Variants in CDCA7L observed in about 807,000 individuals in gnomAD.
CDCA7L encodes the protein cell division cycle-associated 7-like protein.
In CDCA7L, 44 loss-of-function variants were observed where a neutral mutation model predicts 57.4. The ratio of observed to expected loss-of-function variants is 0.77; its 90% CI spans 0.60 to 0.98. The LOEUF (loss-of-function observed/expected upper bound fraction) is 0.98, where lower values mean the gene tolerates loss of function less well. Among genes scored for constraint, CDCA7L ranks in the 50% least tolerant of loss-of-function variants. CDCA7L has a pLI of 0.00. For synonymous variants in CDCA7L, 236 were observed against 202.8 expected, an observed-to-expected ratio of 1.16 and a Z score of -1.39; for missense variants, 644 against 580.6, an observed-to-expected ratio of 1.11 and a Z score of -1.12.
rs2128054063 is a variant in CDCA7L at position 21,901,575 on chromosome 7, AAAAAAGTACATCAT to A, written c.*733_*746del. ...CAGAACAAGACTCCATCTCAAAAAA[AAAAAAGTACATCAT>A]AAAAGTACATCATATGTGAACATGC... On this transcript the variant is annotated 3_prime_UTR_variant, in exon 10 of 10. Transcript: ENST00000406877. 5.3e-6 allele frequency: 1 copy of A among 188,424 alleles called. No individual in the cohort carries two copies. Among genetic ancestry groups the A allele is most frequent in the Non-Finnish European group, 1.1e-5 (1 of 92,204 alleles). 11.7% of individuals were successfully genotyped at this position (188,424 alleles called of 1,614,324 possible).
intron 7 of CDCA7L, among the ~76,000 whole-genome samples, chr7:21,904,653 A>C (rs533392259): frequency 6.6e-6 from 1 of 152,338 alleles, no homozygotes; most frequent in Admixed American, 6.5e-5. Context: ...TCTGAGGTGG[A>C]ACAGTTTCAT....
intron 2 of CDCA7L, among the ~76,000 whole-genome samples, chr7:21,914,455 G>A (rs1392884884): frequency 6.6e-6 from 1 of 152,208 alleles, no homozygotes; most frequent in Non-Finnish European, 1.5e-5. Flanking sequence ...CACACGGAGG[G>A]AAAGAAAATC....
intron 1 of CDCA7L, among the ~76,000 whole-genome samples, chr7:21,927,332 T>G (rs2128065886): frequency 6.6e-6 from 1 of 151,996 alleles, no homozygotes; most frequent in Non-Finnish European, 1.5e-5. Context: ...GAAGAAGGAC[T>G]CCAACAGAAA....
rs146976111 is a variant in CDCA7L at position 21,908,229 on chromosome 7, A to G, written c.582T>C (p.Asp194=). Residue 194 remains aspartate, a synonymous_variant, in exon 4 of 10, where the codon GAT becomes GAC. Coordinates refer to ENST00000406877, the MANE Select transcript of CDCA7L (RefSeq NM_018719.5). ...KDCRQVIQRE[D]STSESEDDSR... ...AGTCATCCTCAGACTCAGAGGTAGA[A>G]TCTTCCCTTTGTATCACCTGTCTAC... 9.9e-6 allele frequency: 16 copies of G among 1,613,292 alleles called. No homozygotes were observed. The highest frequency in any genetic ancestry group is 1.4e-5 in the Non-Finnish European group (16 of 1,179,916).
chr7:21,912,674 C>G (rs1261022237), intron 2 of CDCA7L, among the ~76,000 whole-genome samples: 2 of 152,208 alleles, frequency 1.3e-5, no homozygotes, highest in South Asian at 4.1e-4. Flanking sequence ...CCACCGCCCA[C>G]CACCAGAGAG....
intron 4 of CDCA7L, 93 bp from the exon 5 acceptor site, chr7:21,906,732 A>T (rs1785155029): frequency 7.7e-6 from 9 of 1,175,698 alleles, no homozygotes; most frequent in Non-Finnish European, 1.1e-5. Context: ...TTTTGCCACC[A>T]TAAGAAACCT....
intron 8 of CDCA7L, 88 bp from the exon 9 acceptor site, chr7:21,903,202 C>CCTCTCCTCCAACCTTT (rs1784997671): frequency 7.7e-7 from 1 of 1,302,440 alleles, no homozygotes; most frequent in African/African-American, 1.5e-5. Flanking sequence ...GCTCAGCTGG[C>CCTCTCCTCCAACCTTT]CTCTCCTCCA....
chr7:21,903,864 G>A, intron 8 of CDCA7L: 2 of 387,674 alleles, frequency 5.2e-6, no homozygotes, highest in South Asian at 1.3e-4. Flanking sequence ...CTAGAGGACT[G>A]TAAGCAAGTT....
At position 21,940,864 on chromosome 7, in the gene CDCA7L, CG is replaced by C. The variant is rs1160869263; in HGVS notation, c.24+4916del. 2.0e-5 allele frequency among the ~76,000 whole-genome samples: 3 copies of C among 152,138 alleles called. No homozygotes were observed. In the East Asian group the frequency reaches 5.8e-4, roughly 29 times the overall value. On this transcript the variant is annotated intron_variant, in intron 1 of 9. Transcript: ENST00000406877. ...GGTTTTCTTGGTTTTCTAGGCAGAC[CG>C]GATGTAAAGAACAGATTTCTGGGAC...
At chr7:21,920,994 G>C (rs192163960) in intron 1 of CDCA7L, among the ~76,000 whole-genome samples, 1 of 152,310 alleles carries the variant, frequency 6.6e-6, no homozygotes, top group Non-Finnish European at 1.5e-5. Context: ...ATGGTTTAAA[G>C]GAGGAGGAGC....
intron 2 of CDCA7L, among the ~76,000 whole-genome samples, chr7:21,913,525 T>A (rs1489138385): frequency 6.6e-6 from 1 of 152,170 alleles, no homozygotes; most frequent in Non-Finnish European, 1.5e-5. Flanking sequence ...TAAGGAAGAA[T>A]GGTACACAGC....
In CDCA7L at chr7:21,903,165, C is replaced by G. The variant is rs373832122; in HGVS notation, c.1198-51G>C. On this transcript the variant is annotated intron_variant, in intron 8 of 9. Transcript: ENST00000406877. ...TTCGCTCATTATCTACAGGGTCTGG[C>G]AAGAACTGGGATTCGGATCCAGAAT... is the stretch of plus-strand genomic sequence containing the variant. 7.0e-6 allele frequency: 11 copies of G among 1,570,944 alleles called. No homozygotes were observed. In the East Asian group the frequency reaches 9.1e-5, roughly 13 times the overall value.
Position 21,945,856 on chromosome 7 carries a change from G to C in CDCA7L, c.-52C>G. Reference sequence around the variant, plus strand: ...CCCAGCACGCGGCCACGGGAGCCCGGACTCACCACGGCCCGGCGCACCAAG... The same window carrying C: ...CCCAGCACGCGGCCACGGGAGCCCGCACTCACCACGGCCCGGCGCACCAAG... On this transcript the variant is annotated 5_prime_UTR_variant, in exon 1 of 10. Transcript: ENST00000406877. The C allele has an allele frequency of 6.4e-7, 1 of 1,569,560 alleles. No homozygotes were observed. Among genetic ancestry groups the C allele is most frequent in the Non-Finnish European group, 8.6e-7 (1 of 1,159,584 alleles).
intron 1 of CDCA7L, chr7:21,940,242 T>G (rs1160153269): frequency 2.4e-6 from 2 of 849,472 alleles, no homozygotes. Context: ...GCCAGGAAAG[T>G]GCAACCCTAC....
At chr7:21,927,566 G>T (rs1785866980) in intron 1 of CDCA7L, among the ~76,000 whole-genome samples, 1 of 152,158 alleles carries the variant, frequency 6.6e-6, no homozygotes, top group Non-Finnish European at 1.5e-5. Flanking sequence ...AATGATGGGA[G>T]ACTCAGAAAG....
Position 21,903,111 on chromosome 7 carries a change from AATCCT to A in CDCA7L, c.1198-2_1200del, listed in dbSNP as rs1784990280. The A allele has an allele frequency of 6.2e-7, 1 of 1,613,318 alleles. No homozygotes were observed. Among genetic ancestry groups the A allele is most frequent in the African/African-American group, 1.3e-5 (1 of 74,930 alleles). ...ATCCCACGACAGGGGGGACACACCCAATCCTAACAGAGAGATGACAGCAGACACTT... is the reference window on the plus strand; with the variant it reads ...ATCCCACGACAGGGGGGACACACCCAAACAGAGAGATGACAGCAGACACTT... On this transcript the variant is annotated splice_acceptor_variant and coding_sequence_variant, in exon 9 of 10. Transcript: ENST00000406877. LOFTEE classifies it high-confidence loss of function.
At chr7:21,940,307 C>T (rs890170423) in intron 1 of CDCA7L, 4 of 984,834 alleles carry the variant, frequency 4.1e-6, no homozygotes, top group East Asian at 2.3e-4. Context: ...ACTATGCCTG[C>T]GAAGTGCTCT....
chr7:21,937,025 A>G (rs1269054660), intron 1 of CDCA7L, among the ~76,000 whole-genome samples: 2 of 152,224 alleles, frequency 1.3e-5, no homozygotes, highest in Non-Finnish European at 2.9e-5. Flanking sequence ...AATTATGAAA[A>G]TTAAGAAAAC....
intron 1 of CDCA7L, among the ~76,000 whole-genome samples, chr7:21,929,967 C>G (rs1173488249): frequency 6.6e-6 from 1 of 152,134 alleles, no homozygotes; most frequent in African/African-American, 2.4e-5. Context: ...ACCAAGCAGA[C>G]CTAATAGACA....
Sources: gnomAD v4.1 joint callset for allele counts (sites outside exome capture counted in the v4.1 genomes callset) on GRCh38, gnomAD v4.1.1 for gene constraint, MANE v1.5 for transcripts, NCBI Gene and HGNC (gene_info 2026-07-23, HGNC 2026-07-21) for gene names.